The following ME3 variants were observed in gnomAD, a reference collection of about 807,000 sequenced individuals.
ME3 encodes the protein malic enzyme 3.
ME3 carries 48 observed loss-of-function variants against 68.9 expected under a neutral mutation model. The observed-to-expected ratio is 0.70, with a 90% CI of 0.55 to 0.89. ME3 has a LOEUF of 0.89. ME3 is among the 40% of genes least tolerant of loss of function. ME3 has a pLI of 0.00. For missense variants in ME3, 675 were observed against 797.4 expected, an observed-to-expected ratio of 0.85 and a Z score of 1.85; for synonymous variants, 320 against 318.8, an observed-to-expected ratio of 1.00 and a Z score of -0.04.
intron 4 of ME3, among the ~76,000 whole-genome samples, chr11:86,540,002 T>C (rs553560789): frequency 2.0e-5 from 3 of 152,244 alleles, no homozygotes; most frequent in African/African-American, 4.8e-5. Flanking sequence ...ACGTATCTGA[T>C]AGCAATAACT....
chr11:86,441,342 A>G, exon 15 of ME3: 1 of 1,613,530 alleles, frequency 6.2e-7, no homozygotes, highest in Non-Finnish European at 8.5e-7. Context: ...TAAAGGAGTC[A>G]TAGTCTGGAG....
At chr11:86,580,073 A>G (rs1411058380) in intron 2 of ME3, among the ~76,000 whole-genome samples, 1 of 152,118 alleles carries the variant, frequency 6.6e-6, no homozygotes, top group Non-Finnish European at 1.5e-5. Context: ...CTTTAAAAAT[A>G]TTTTCTCATT....
At chr11:86,651,562 A>C (rs1945432346) in intron 2 of ME3, among the ~76,000 whole-genome samples, 1 of 152,262 alleles carries the variant, frequency 6.6e-6, no homozygotes, top group African/African-American at 2.4e-5. Context: ...ACTAACCAAC[A>C]GAAAGGACAT....
intron 12 of ME3, 110 bp from the exon 13 acceptor site, chr11:86,446,597 G>A (rs940693979): frequency 1.4e-5 from 15 of 1,042,138 alleles, no homozygotes; most frequent in Admixed American, 2.1e-5. Context: ...TCTCCCAAAC[G>A]CCCAGCACTG....
At chr11:86,535,685 A>G (rs1178018932) in intron 4 of ME3, among the ~76,000 whole-genome samples, 2 of 152,214 alleles carry the variant, frequency 1.3e-5, no homozygotes, top group Non-Finnish European at 2.9e-5. Flanking sequence ...CTTGCTGAAG[A>G]TCCTTAAAGG....
At chr11:86,525,265 A>G (rs1456295856) in intron 4 of ME3, among the ~76,000 whole-genome samples, 1 of 152,218 alleles carries the variant, frequency 6.6e-6, no homozygotes, top group African/African-American at 2.4e-5. Flanking sequence ...AGTAGTGAGC[A>G]CAATGCCTGA....
chr11:86,470,224 T>G (rs1310469798), intron 7 of ME3, among the ~76,000 whole-genome samples: 1 of 152,156 alleles, frequency 6.6e-6, no homozygotes, highest in Admixed American at 6.5e-5. Flanking sequence ...AAGGTGAACT[T>G]GCTCAACCTG....
chr11:86,621,960 G>A (rs1049485505), intron 2 of ME3, among the ~76,000 whole-genome samples: 1 of 151,996 alleles, frequency 6.6e-6, no homozygotes, highest in Non-Finnish European at 1.5e-5. Context: ...CTAGTCCAGA[G>A]ATAACAGGAA....
At position 86,621,150 on chromosome 11, in the gene ME3, C is replaced by A. The variant is rs1943324102; in HGVS notation, c.183+50612G>T. 3.9e-5 allele frequency among the ~76,000 whole-genome samples: 6 copies of A among 152,326 alleles called. No individual in the cohort carries two copies. In the South Asian group the frequency reaches 1.2e-3, roughly 32 times the overall value. On this transcript the variant is annotated intron_variant, in intron 2 of 14. Coordinates refer to ENST00000543262, the Ensembl canonical transcript of ME3. Reference sequence around the variant, plus strand: ...ATTAAAACCCACCTATTCCTGCCATCTCCAAATTTTGCTAGAATTGCTTTG... The same window carrying A: ...ATTAAAACCCACCTATTCCTGCCATATCCAAATTTTGCTAGAATTGCTTTG...
At chr11:86,634,223 C>T (rs531976379) in intron 2 of ME3, among the ~76,000 whole-genome samples, 1 of 152,244 alleles carries the variant, frequency 6.6e-6, no homozygotes, top group Non-Finnish European at 1.5e-5. Flanking sequence ...AGTGGGGGCC[C>T]TGATTTAAAT....
intron 4 of ME3, among the ~76,000 whole-genome samples, chr11:86,553,636 G>C (rs1439161108): frequency 6.6e-6 from 1 of 152,208 alleles, no homozygotes; most frequent in East Asian, 1.9e-4. Flanking sequence ...TGTGCACAAC[G>C]TATTCGAGAA....
At chr11:86,456,050 C>T (rs998731519) in intron 8 of ME3, among the ~76,000 whole-genome samples, 1 of 152,172 alleles carries the variant, frequency 6.6e-6, no homozygotes, top group Non-Finnish European at 1.5e-5. Flanking sequence ...TTACTCTCCG[C>T]CCATAAAACT....
chr11:86,500,011 C>T (rs1047618963), intron 5 of ME3, among the ~76,000 whole-genome samples: 5 of 152,198 alleles, frequency 3.3e-5, no homozygotes, highest in Admixed American at 6.5e-5. Flanking sequence ...CTCCTTCTAC[C>T]ACCCCAACTG....
At chr11:86,532,268 C>G (rs1054627128) in intron 4 of ME3, among the ~76,000 whole-genome samples, 13 of 152,092 alleles carry the variant, frequency 8.5e-5, no homozygotes, top group African/African-American at 3.1e-4. Context: ...GACTGCAATA[C>G]AATAATAGCA....
intron 2 of ME3, among the ~76,000 whole-genome samples, chr11:86,643,891 C>G (rs986368473): frequency 5.9e-5 from 9 of 152,158 alleles, no homozygotes; most frequent in African/African-American, 2.2e-4. Context: ...ATGGGCAACT[C>G]AGTCCTCTGG....
At chr11:86,540,167 T>C (rs1955948649) in intron 4 of ME3, among the ~76,000 whole-genome samples, 1 of 152,234 alleles carries the variant, frequency 6.6e-6, no homozygotes, top group Admixed American at 6.5e-5. Context: ...ATACAGGGAA[T>C]AGAGGCCCCG....
intron 2 of ME3, among the ~76,000 whole-genome samples, chr11:86,629,906 G>A (rs1162321407): frequency 6.6e-6 from 1 of 152,164 alleles, no homozygotes; most frequent in African/African-American, 2.4e-5. Flanking sequence ...CACTGTTGAG[G>A]TTTAATTCTG....
chr11:86,474,108 A>T (rs1950928772), intron 7 of ME3, among the ~76,000 whole-genome samples: 1 of 152,030 alleles, frequency 6.6e-6, no homozygotes, highest in Non-Finnish European at 1.5e-5. Context: ...GTGAGGGTGG[A>T]CCTCTGAGGC....
intron 2 of ME3, among the ~76,000 whole-genome samples, chr11:86,574,303 T>C (rs1957961984): frequency 1.3e-5 from 2 of 151,110 alleles, no homozygotes; most frequent in South Asian, 4.2e-4. Flanking sequence ...GCATTTGGAA[T>C]TTTCAGCTTT....
Sources: allele counts gnomAD v4.1 joint callset (sites outside exome capture counted in the v4.1 genomes callset), GRCh38; gene constraint gnomAD v4.1.1; transcripts MANE v1.5; gene names NCBI Gene and HGNC (gene_info 2026-07-23, HGNC 2026-07-21).